DDX18: variants seen among roughly 807,000 people sequenced by gnomAD.
The protein encoded by DDX18 is ATP-dependent RNA helicase DDX18.
Under a neutral mutation model 73.5 loss-of-function variants are expected in DDX18, and 23 were observed. The observed-to-expected ratio is 0.31, with a 90% CI of 0.23 to 0.44. The LOEUF is 0.44. Among genes scored for constraint, DDX18 ranks in the 20% least tolerant of loss-of-function variants. DDX18 has a pLI of 1.00. For missense variants in DDX18, 753 were observed against 792.9 expected, an observed-to-expected ratio of 0.95 and a Z score of 0.60; for synonymous variants, 268 against 282.7, an observed-to-expected ratio of 0.95 and a Z score of 0.52.
chr2:117,819,057 T>C (rs373440929), intron 2 of DDX18, among the ~76,000 whole-genome samples: 62 of 152,304 alleles, frequency 4.1e-4, no homozygotes, highest in African/African-American at 1.4e-3. Flanking sequence ...AAACACAGCA[T>C]GTGGTTAATC....
chr2:117,820,417 C>T (rs1679827205), intron 3 of DDX18, among the ~76,000 whole-genome samples: 1 of 152,198 alleles, frequency 6.6e-6, no homozygotes, highest in Non-Finnish European at 1.5e-5. Context: ...CTCCTCTGTC[C>T]CTAGCCTACT....
rs752343866 is a variant in DDX18, at chr2:117,829,443, A to G, written c.1847A>G (p.Lys616Arg). Residue 616 changes from lysine (K) to arginine (R), a missense_variant, in exon 13 of 14, where the codon AAG becomes AGG. Coordinates refer to ENST00000263239, the MANE Select transcript of DDX18 (RefSeq NM_006773.4). ...CAGGTTGCTCTGTCATTTGGTTTCA[A>G]GGTGCCTCCCTTCGTTGATCTGAGT... ...LPQVALSFGF[K>R]VPPFVDLNVN... 4 of 1,610,938 alleles carry G rather than the reference A, an allele frequency of 2.5e-6. No homozygotes were observed. The Admixed American group carries it at 5.1e-5, about 20-fold the overall frequency.
chr2:117,816,334 A>G (rs1351733462), intron 1 of DDX18, among the ~76,000 whole-genome samples: 1 of 152,216 alleles, frequency 6.6e-6, no homozygotes, highest in Admixed American at 6.5e-5. Flanking sequence ...CTTTAATAAC[A>G]CTTAGCTTAC....
In DDX18 at chr2:117,821,415, A is replaced by G. The variant is rs1679845134; in HGVS notation, c.650+119A>G. 6 of 1,310,564 alleles carry G rather than the reference A, an allele frequency of 4.6e-6. No individual in the cohort carries two copies. In the East Asian group the frequency reaches 1.4e-4, roughly 31 times the overall value. 81.2% of individuals were successfully genotyped at this position (1,310,564 alleles called of 1,614,324 possible). A position where few individuals can be genotyped will look rare whatever the true frequency, so the allele number is the denominator to read the frequency against. ...ATATGTTGGGTCATGTATCCAGCATACATTAAAGGCTTTAAGTTAATTACT... is the reference window on the plus strand; with the variant it reads ...ATATGTTGGGTCATGTATCCAGCATGCATTAAAGGCTTTAAGTTAATTACT... On this transcript the variant is annotated intron_variant, in intron 4 of 13. Transcript: ENST00000263239.
At position 117,830,883 on chromosome 2, in the gene DDX18, G is replaced by A. The variant is rs1025703286; in HGVS notation, c.*159G>A. The A allele has an allele frequency of 9.9e-5, 75 of 760,944 alleles. No individual in the cohort carries two copies. The highest frequency in any genetic ancestry group is 1.4e-4 in the Non-Finnish European group (66 of 486,354). 47.1% of individuals were successfully genotyped at this position (760,944 alleles called of 1,614,324 possible). On this transcript the variant is annotated 3_prime_UTR_variant, in exon 14 of 14. Transcript: ENST00000263239. ...CACTGAGCACTGTTACTTCTATCAC[G>A]TCTCTCTTTTATTTCTGGGATATAA... is the stretch of plus-strand genomic sequence containing the variant.
intron 10 of DDX18, 106 bp from the exon 11 acceptor site, chr2:117,826,163 G>A: frequency 1.5e-5 from 13 of 885,296 alleles, no homozygotes; most frequent in Non-Finnish European, 2.3e-5. Flanking sequence ...AGCACCGTGG[G>A]ACTACACCAT....
intron 3 of DDX18, 94 bp downstream of exon 3, chr2:117,819,886 T>A: frequency 8.1e-7 from 1 of 1,238,606 alleles, no homozygotes; most frequent in Non-Finnish European, 1.1e-6. Context: ...ACTTTCAGTT[T>A]ACCTGAAAAA....
chr2:117,824,318 G>T, intron 7 of DDX18: 1 of 305,630 alleles, frequency 3.3e-6, no homozygotes, highest in Non-Finnish European at 5.9e-6. Context: ...GTAGATATAA[G>T]GCTATTTAAA....
chr2:117,815,693 T>C (rs554721135), intron 1 of DDX18: 2 of 152,356 alleles, frequency 1.3e-5, no homozygotes, highest in South Asian at 4.1e-4. Flanking sequence ...TATAGAATAA[T>C]ACTACAGCAT....
chr2:117,829,085 C>A, intron 12 of DDX18, 80 bp downstream of exon 12: 2 of 1,328,906 alleles, frequency 1.5e-6, no homozygotes, highest in Non-Finnish European at 1.1e-6. Context: ...TGGGCAATCA[C>A]TGTCCTTTGA....
At chr2:117,820,129 C>T (rs573125125) in intron 3 of DDX18, among the ~76,000 whole-genome samples, 4 of 152,298 alleles carry the variant, frequency 2.6e-5, no homozygotes, top group Non-Finnish European at 1.5e-5. Context: ...AGGTTAACCT[C>T]CTTTGGCCTT....
In DDX18 at chr2:117,821,100, G is replaced by A. The variant is rs372714546; in HGVS notation, c.515-61G>A. 2.8e-5 allele frequency: 39 copies of A among 1,405,064 alleles called. No individual in the cohort carries two copies. The East Asian group carries it at 2.9e-4, about 11-fold the overall frequency. 87.0% of individuals were successfully genotyped at this position (1,405,064 alleles called of 1,614,324 possible). A position where few individuals can be genotyped will look rare whatever the true frequency, so the allele number is the denominator to read the frequency against. ...CTAAGCAAAATAGATTTAGGCAACTGTAGCAATACTTTTTTAAAAAAAAAG... is the reference window on the plus strand; with the variant it reads ...CTAAGCAAAATAGATTTAGGCAACTATAGCAATACTTTTTTAAAAAAAAAG... On this transcript the variant is annotated intron_variant, in intron 3 of 13. Transcript: ENST00000263239.
Position 117,825,085 on chromosome 2 carries a change from C to G in DDX18, c.1352C>G (p.Pro451Arg). The change falls in exon 9 of 14, where the codon CCC becomes CGC. Residue 451 changes from proline to arginine, a missense_variant. Around this residue, in one of 3 missense-constraint regions of DDX18, gnomAD observed 402 missense variants for 419.4 expected, o/e 0.96. Coordinates refer to ENST00000263239, the MANE Select transcript of DDX18 (RefSeq NM_006773.4). ...HYELLNYIDL[P>R]VLAIHGKQKQ... ...GAGTTGCTGAACTACATTGATTTGC[C>G]CGTCTTGGCCATTCATGTAAGTGAT... 6.2e-7 allele frequency: 1 copy of G among 1,608,942 alleles called. No individual in the cohort carries two copies. Among genetic ancestry groups the G allele is most frequent in the Non-Finnish European group, 8.5e-7 (1 of 1,178,626 alleles).
chr2:117,829,010 G>A lies in DDX18; in HGVS notation c.1692+5G>A. The A allele has an allele frequency of 2.5e-6, 4 of 1,611,220 alleles. No homozygotes were observed. The highest frequency in any genetic ancestry group is 3.4e-6 in the Non-Finnish European group (4 of 1,177,514). On this transcript the variant is annotated splice_donor_5th_base_variant and intron_variant, in intron 12 of 13. Transcript: ENST00000263239. ...ATTTCTGACATTCAGTCTCAGGTATGTGCTTTTTAAACGTTTGTGAGTAAA... is the reference window on the plus strand; with the variant it reads ...ATTTCTGACATTCAGTCTCAGGTATATGCTTTTTAAACGTTTGTGAGTAAA...
At chr2:117,825,725 G>A in intron 10 of DDX18, 126 bp downstream of exon 10, 1 of 1,144,762 alleles carries the variant, frequency 8.7e-7, no homozygotes, top group Non-Finnish European at 1.2e-6. Flanking sequence ...AGTGACTGCA[G>A]TATTTCTCTG....
rs371410164 is a variant in DDX18 at position 117,825,019 on chromosome 2, T to C, written c.1286T>C (p.Met429Thr). The C allele has an allele frequency of 4.3e-6, 7 of 1,613,768 alleles. No homozygotes were observed. The highest frequency in any genetic ancestry group is 1.1e-5 in the South Asian group (1 of 91,078). ...FLKKNRKKKL[M>T]VFFSSCMSVK... Reference sequence around the variant, plus strand: ...AAGAAGAACCGAAAGAAGAAGCTTATGGTCTTCTTTTCATCTTGTATGTCT... The same window carrying C: ...AAGAAGAACCGAAAGAAGAAGCTTACGGTCTTCTTTTCATCTTGTATGTCT... Residue 429 changes from methionine (M) to threonine (T), a missense_variant, in exon 9 of 14, where the codon ATG (methionine) becomes ACG (threonine). By Grantham distance (81) the Met-to-Thr change is moderately conservative. Transcript: ENST00000263239.
intron 11 of DDX18, chr2:117,826,981 C>G (rs978007269): frequency 6.5e-6 from 1 of 153,962 alleles, no homozygotes; most frequent in Admixed American, 6.4e-5. Context: ...TTACCTCCCT[C>G]TCAGTCCCTA....
At chr2:117,828,928 C>G (rs770018572) in intron 11 of DDX18, 21 bp from the exon 12 acceptor site, 2 of 1,552,038 alleles carry the variant, frequency 1.3e-6, no homozygotes, top group Non-Finnish European at 8.9e-7. Flanking sequence ...GTTTACTAAT[C>G]TTAATACTTT....
At position 117,822,262 on chromosome 2, in the gene DDX18, G is replaced by T; in HGVS notation, c.1066+1G>T. On this transcript the variant is annotated splice_donor_variant, in intron 7 of 13. Coordinates refer to ENST00000263239, the MANE Select transcript of DDX18 (RefSeq NM_006773.4). LOFTEE classifies it high-confidence loss of function. The stretch of plus-strand genomic sequence containing the variant: ...AAGCAAATTATTAAACTTTTGCCAA[G>T]TAAGTAGGTAGCATCTGCATTTGGT... 6.2e-7 allele frequency: 1 copy of T among 1,607,924 alleles called. No homozygotes were observed. Among genetic ancestry groups the T allele is most frequent in the Non-Finnish European group, 8.5e-7 (1 of 1,176,194 alleles).
Sources: gnomAD v4.1 joint callset for allele counts (sites outside exome capture counted in the v4.1 genomes callset) on GRCh38, gnomAD v4.1.1 for gene constraint, gnomAD v4.1.1 regional missense constraint, MANE v1.5 for transcripts, NCBI Gene and HGNC (gene_info 2026-07-23, HGNC 2026-07-21) for gene names.